Variants in PLEKHA2 observed in about 807,000 individuals in gnomAD.
PLEKHA2 encodes pleckstrin homology domain containing A2.
In PLEKHA2, 28 loss-of-function variants were observed where a neutral mutation model predicts 53.2. That is an observed-to-expected ratio of 0.53 (90% CI 0.39 to 0.72). The LOEUF is 0.72. Among genes scored for constraint, PLEKHA2 ranks in the 30% least tolerant of loss-of-function variants. The probability of loss-of-function intolerance (pLI) is 0.00; values close to 1 mark genes in which losing one functional copy is unlikely to be tolerated. For missense variants in PLEKHA2, 426 were observed against 537.9 expected (o/e 0.79, Z 2.06); for synonymous variants, 193 against 196.4 (o/e 0.98, Z 0.14).
intron 1 of PLEKHA2, among the ~76,000 whole-genome samples, chr8:38,903,494 G>C (rs75233095): frequency 6.6e-6 from 1 of 152,124 alleles, no homozygotes; most frequent in African/African-American, 2.4e-5. Flanking sequence ...CGGTATTTTT[G>C]AGTGGTTAAA....
chr8:38,952,421 C>A, intron 7 of PLEKHA2, 109 bp downstream of exon 7: 1 of 1,462,650 alleles, frequency 6.8e-7, no homozygotes, highest in South Asian at 1.3e-5. Context: ...CTCAGTCCTC[C>A]ATGGAGCCTC....
intron 2 of PLEKHA2, among the ~76,000 whole-genome samples, chr8:38,929,365 C>G (rs1834347158): frequency 6.6e-6 from 1 of 152,246 alleles, no homozygotes; most frequent in Non-Finnish European, 1.5e-5. Flanking sequence ...CCCTGCCCAG[C>G]TTGGGCAATG....
chr8:38,919,526 T>C (rs1209909835), intron 2 of PLEKHA2, among the ~76,000 whole-genome samples: 3 of 152,208 alleles, frequency 2.0e-5, no homozygotes, highest in Non-Finnish European at 4.4e-5. Context: ...GATTTGGCTC[T>C]AGTTCCGAGG....
chr8:38,953,336 C>T lies in PLEKHA2; in HGVS notation c.742C>T (p.Leu248=). 1 of 1,613,412 alleles carries T rather than the reference C, an allele frequency of 6.2e-7. No homozygotes were observed. ...PLRTIFLKDV[L]KTHECLVKSG... ...GCGCACCATATTTCTTAAGGATGTT[C>T]TGAAGACCCATGAATGTCTGGTCAA... Residue 248 remains leucine (L), a synonymous_variant, in exon 9 of 12, where the codon CTG becomes TTG. Transcript: ENST00000617275.
chr8:38,909,940 T>G (rs958532457), intron 1 of PLEKHA2, among the ~76,000 whole-genome samples: 16 of 151,434 alleles, frequency 1.1e-4, no homozygotes, highest in African/African-American at 3.9e-4. Flanking sequence ...CACTTTTTGT[T>G]TTTCTTTTCA....
At chr8:38,967,322 G>A (rs182592703) in intron 10 of PLEKHA2, among the ~76,000 whole-genome samples, 2 of 152,052 alleles carry the variant, frequency 1.3e-5, no homozygotes, top group Non-Finnish European at 2.9e-5. Context: ...TAGGTTTGGG[G>A]GCACATGTGA....
At position 38,936,031 on chromosome 8, in the gene PLEKHA2, A is replaced by C. The variant is rs1272081960; in HGVS notation, c.179A>C (p.Gln60Pro). 1 of 1,613,632 alleles carries C rather than the reference A, an allele frequency of 6.2e-7. No homozygotes were observed. Among genetic ancestry groups the C allele is most frequent in the Non-Finnish European group, 8.5e-7 (1 of 1,179,596 alleles). ...GGGGCAGGAGCTGTTGGAGCTTTGCAGCTGACCTACATCTCGAAGGTAATG... is the reference window on the plus strand; with the variant it reads ...GGGGCAGGAGCTGTTGGAGCTTTGCCGCTGACCTACATCTCGAAGGTAATG... ...AMGAGAVGAL[Q>P]LTYISKVSIA... The change falls in exon 3 of 12, where the codon CAG becomes CCG. Residue 60 changes from glutamine (Q) to proline (P), a missense_variant. Gln to Pro is a moderately conservative substitution (Grantham distance 76, BLOSUM62 -1). Coordinates refer to ENST00000617275, the MANE Select transcript of PLEKHA2 (RefSeq NM_021623.2).
At chr8:38,918,770 C>T (rs1318534008) in intron 2 of PLEKHA2, among the ~76,000 whole-genome samples, 3 of 152,040 alleles carry the variant, frequency 2.0e-5, no homozygotes, top group East Asian at 1.9e-4. Context: ...CACATGCACA[C>T]ACACATATAC....
chr8:38,903,195 T>G (rs1833819502), intron 1 of PLEKHA2, among the ~76,000 whole-genome samples: 1 of 152,244 alleles, frequency 6.6e-6, no homozygotes, highest in Non-Finnish European at 1.5e-5. Context: ...GGATGTTGCC[T>G]TTACACCTAA....
intron 10 of PLEKHA2, 63 bp downstream of exon 10, chr8:38,957,449 C>G (rs765189984): frequency 1.5e-6 from 2 of 1,366,776 alleles, no homozygotes. Context: ...CCTCACAGGC[C>G]GTGTCCTTTC....
intron 6 of PLEKHA2, among the ~76,000 whole-genome samples, chr8:38,951,381 A>G (rs1834836398): frequency 6.6e-6 from 1 of 151,352 alleles, no homozygotes; most frequent in Non-Finnish European, 1.5e-5. Context: ...AACCTCCCTG[A>G]TGCTGGTTCT....
intron 1 of PLEKHA2, among the ~76,000 whole-genome samples, chr8:38,903,525 G>C (rs1833824732): frequency 6.6e-6 from 1 of 152,178 alleles, no homozygotes; most frequent in Non-Finnish European, 1.5e-5. Context: ...AAGACATGCA[G>C]GTTTTGGTTG....
intron 5 of PLEKHA2, among the ~76,000 whole-genome samples, chr8:38,947,154 C>T (rs560526423): frequency 3.3e-5 from 4 of 123,008 alleles, no homozygotes; most frequent in East Asian, 4.7e-4. Flanking sequence ...TTGGTAAACC[C>T]GTGAAAAGAG....
chr8:38,949,509 C>G (rs940934103), intron 5 of PLEKHA2, among the ~76,000 whole-genome samples: 2 of 152,242 alleles, frequency 1.3e-5, no homozygotes, highest in African/African-American at 4.8e-5. Context: ...CTGCATGTGA[C>G]TAACAAAACA....
intron 1 of PLEKHA2, among the ~76,000 whole-genome samples, chr8:38,908,912 A>C (rs1833916758): frequency 6.6e-6 from 1 of 152,194 alleles, no homozygotes; most frequent in Non-Finnish European, 1.5e-5. Flanking sequence ...TGGGAGTCCA[A>C]GGTGGGTGGA....
chr8:38,915,090 G>A (rs762433599), intron 1 of PLEKHA2, among the ~76,000 whole-genome samples: 2 of 152,058 alleles, frequency 1.3e-5, no homozygotes, highest in Non-Finnish European at 2.9e-5. Context: ...GGGACTACAG[G>A]CACGCCACCG....
rs1835223872 is a variant in PLEKHA2, at chr8:38,970,399, A to G, written c.*616A>G. On this transcript the variant is annotated 3_prime_UTR_variant, in exon 12 of 12. Transcript: ENST00000617275. ...ACATGAAGAGATACAAAAAGAATCTAGAGAGAGATATATATTTTTAATGAA... is the reference window on the plus strand; with the variant it reads ...ACATGAAGAGATACAAAAAGAATCTGGAGAGAGATATATATTTTTAATGAA... The G allele has an allele frequency of 5.7e-6, 1 of 174,288 alleles. No homozygotes were observed. Among genetic ancestry groups the G allele is most frequent in the East Asian group, 1.6e-4 (1 of 6,254 alleles). 10.8% of individuals were successfully genotyped at this position (174,288 alleles called of 1,614,324 possible). A position where few individuals can be genotyped will look rare whatever the true frequency, so the allele number is the denominator to read the frequency against.
Position 38,969,425 on chromosome 8 carries a change from C to T in PLEKHA2, c.920C>T (p.Thr307Met), listed in dbSNP as rs779894346. The T allele has an allele frequency of 2.5e-5, 40 of 1,605,610 alleles. 1 individual carries two copies. Among genetic ancestry groups the T allele is most frequent in the Non-Finnish European group, 3.1e-5 (37 of 1,178,050 alleles). ...TTCTTCCTTTTATTTTTATAGGAAA[C>T]GTCCTTTTCTAGATCCATTTCTTTG... Reference protein sequence around the residue: ...VQALKCHPRETSFSRSISLTR... With the variant: ...VQALKCHPREMSFSRSISLTR... Residue 307 changes from threonine to methionine, a missense_variant, in exon 12 of 12, where the codon ACG (threonine) becomes ATG (methionine). Physicochemically the swap from Thr to Met is moderately conservative, Grantham distance 81. Coordinates refer to ENST00000617275, the MANE Select transcript of PLEKHA2 (RefSeq NM_021623.2).
intron 2 of PLEKHA2, among the ~76,000 whole-genome samples, chr8:38,920,174 G>A (rs752819472): frequency 2.6e-5 from 4 of 151,204 alleles, no homozygotes; most frequent in Non-Finnish European, 5.9e-5. Context: ...GTTTTGAGAC[G>A]GGGTCTCTCT....
Sources: allele counts gnomAD v4.1 joint callset (sites outside exome capture counted in the v4.1 genomes callset), GRCh38; gene constraint gnomAD v4.1.1; transcripts MANE v1.5; gene names NCBI Gene and HGNC (gene_info 2026-07-23, HGNC 2026-07-21).